Variants in RPS6KA5 observed in about 807,000 individuals in gnomAD.
RPS6KA5 encodes ribosomal protein S6 kinase A5.
RPS6KA5 carries 27 observed loss-of-function variants against 85.5 expected under a neutral mutation model. The observed-to-expected ratio is 0.32, with a 90% CI of 0.23 to 0.44. The LOEUF (loss-of-function observed/expected upper bound fraction) is 0.44. Ranked by LOEUF, RPS6KA5 falls within the 20% of genes least tolerant of loss-of-function variation. The probability of loss-of-function intolerance (pLI) is 1.00; values close to 1 mark genes in which losing one functional copy is unlikely to be tolerated. For missense variants in RPS6KA5, 811 were observed against 980.9 expected (o/e 0.83, Z 2.31); for synonymous variants, 334 against 348.2 (o/e 0.96, Z 0.46).
At chr14:91,044,339 C>CAAAGAAAG (rs377595815) in intron 1 of RPS6KA5, among the ~76,000 whole-genome samples, 26 of 76,850 alleles carry the variant, frequency 3.4e-4, no homozygotes, top group Non-Finnish European at 5.9e-4. Flanking sequence ...GAAAGATAGA[C>CAAAGAAAG]AAAGAAAGAA....
chr14:91,020,012 G>A (rs553407556), intron 1 of RPS6KA5, among the ~76,000 whole-genome samples: 3 of 152,302 alleles, frequency 2.0e-5, no homozygotes, highest in Admixed American at 1.3e-4. Context: ...GCATATGACT[G>A]TAAGGAATAC....
chr14:91,025,658 C>CT (rs993222175), intron 1 of RPS6KA5, among the ~76,000 whole-genome samples: 6 of 150,618 alleles, frequency 4.0e-5, no homozygotes, highest in Non-Finnish European at 7.4e-5. Context: ...TTCTGAAGTT[C>CT]TAAAAAAAAA....
At chr14:90,969,153 C>T (rs2140447160) in intron 3 of RPS6KA5, among the ~76,000 whole-genome samples, 1 of 152,170 alleles carries the variant, frequency 6.6e-6, no homozygotes, top group East Asian at 1.9e-4. Context: ...TTTCTTAAAA[C>T]AGTAAATTAA....
In RPS6KA5 at chr14:90,851,469, G is replaced by A. The variant is rs8011328; in HGVS notation, c.*20605C>T. 0.1 allele frequency: 15,267 copies of A among 152,168 alleles called. 1,832 individuals are homozygous for A. The highest frequency in any genetic ancestry group is 0.29 in the African/African-American group (12,174 of 41,468). The allele number at this position is 152,168 out of a possible 1,614,324, so 9.4% of individuals were successfully genotyped here. ...TCCTCTTTAATCGATCCCTCAGTATGCTGGTGAGACAGGGAGGCACAGGTT... is the reference window on the plus strand; with the variant it reads ...TCCTCTTTAATCGATCCCTCAGTATACTGGTGAGACAGGGAGGCACAGGTT... On this transcript the variant is annotated 3_prime_UTR_variant, in exon 17 of 17. Coordinates refer to ENST00000614987, the MANE Select transcript of RPS6KA5 (RefSeq NM_004755.4).
At chr14:90,873,457 T>C (rs548541391) in intron 16 of RPS6KA5, among the ~76,000 whole-genome samples, 175 bp downstream of exon 16, 3 of 152,240 alleles carry the variant, frequency 2.0e-5, no homozygotes, top group Non-Finnish European at 2.9e-5. Context: ...TGTGCACTTA[T>C]TGTTATAAAG....
intron 12 of RPS6KA5, among the ~76,000 whole-genome samples, chr14:90,895,211 T>C (rs965888966): frequency 2.0e-5 from 3 of 151,758 alleles, no homozygotes; most frequent in Non-Finnish European, 4.4e-5. Flanking sequence ...TTAATCTTTT[T>C]AAAAGGGTAA....
chr14:90,939,219 C>A (rs1343108297), intron 5 of RPS6KA5, among the ~76,000 whole-genome samples: 1 of 152,248 alleles, frequency 6.6e-6, no homozygotes, highest in Non-Finnish European at 1.5e-5. Flanking sequence ...CTTTGTTCTA[C>A]TTCCCACCAA....
chr14:90,999,045 C>T (rs543447445), intron 2 of RPS6KA5, among the ~76,000 whole-genome samples: 6 of 152,110 alleles, frequency 3.9e-5, no homozygotes, highest in Admixed American at 2.0e-4. Context: ...CTAGTCAAAA[C>T]GGTGAAACCC....
rs1051821153 is a variant in RPS6KA5 at position 90,869,236 on chromosome 14, A to G, written c.*2838T>C. ...GAGACAGTGTCTCACTATGTTGCCC[A>G]GGTTGGTCTCTAACTCCTGGTTTCA... is the stretch of plus-strand genomic sequence containing the variant. On this transcript the variant is annotated 3_prime_UTR_variant, in exon 17 of 17. Transcript: ENST00000614987. 1.5e-4 allele frequency: 23 copies of G among 152,176 alleles called. No individual in the cohort carries two copies. Among genetic ancestry groups the G allele is most frequent in the African/African-American group, 5.1e-4 (21 of 41,426 alleles). The allele number at this position is 152,176 out of a possible 1,614,324, so 9.4% of individuals were successfully genotyped here.
chr14:91,024,566 A>G (rs1320925586), intron 1 of RPS6KA5, among the ~76,000 whole-genome samples: 1 of 152,202 alleles, frequency 6.6e-6, no homozygotes, highest in East Asian at 1.9e-4. Flanking sequence ...TGATAGAGAA[A>G]AACTAGTAAT....
In RPS6KA5 at chr14:90,943,016, G is replaced by A. The variant is rs74970450; in HGVS notation, c.618+62C>T. The A allele has an allele frequency of 8.4e-3, 7,921 of 946,612 alleles. 423 individuals are homozygous for A. The African/African-American group carries it at 0.12, about 14-fold the overall frequency. 58.6% of individuals were successfully genotyped at this position (946,612 alleles called of 1,614,324 possible). A position where few individuals can be genotyped will look rare whatever the true frequency, so the allele number is the denominator to read the frequency against. ...GTTTTCTGCTAAATGTTTATTCTAC[G>A]GCTAAGTTTTCATCCTTGTTTACAT... On this transcript the variant is annotated intron_variant, in intron 5 of 16. Coordinates refer to ENST00000614987, the MANE Select transcript of RPS6KA5 (RefSeq NM_004755.4).
intron 5 of RPS6KA5, among the ~76,000 whole-genome samples, chr14:90,924,672 C>T (rs2036569753): frequency 6.6e-6 from 1 of 152,106 alleles, no homozygotes. Context: ...TGAACAAAAA[C>T]AGCAGGAGTG....
At chr14:91,052,005 C>T (rs546186995) in intron 1 of RPS6KA5, among the ~76,000 whole-genome samples, 1 of 152,142 alleles carries the variant, frequency 6.6e-6, no homozygotes, top group African/African-American at 2.4e-5. Context: ...AGCTTTAATG[C>T]TCGTAAATAC....
intron 3 of RPS6KA5, among the ~76,000 whole-genome samples, chr14:90,973,910 T>C (rs1240090330): frequency 6.6e-6 from 1 of 151,368 alleles, no homozygotes; most frequent in Non-Finnish European, 1.5e-5. Context: ...TGGTGGCAGG[T>C]GCCTATAATC....
intron 1 of RPS6KA5, among the ~76,000 whole-genome samples, chr14:91,032,952 T>A (rs1348121484): frequency 1.3e-5 from 2 of 151,876 alleles, no homozygotes; most frequent in African/African-American, 2.4e-5. Context: ...GGTGGGCAGA[T>A]CGAGGTCAGG....
Position 90,860,822 on chromosome 14 carries a change from A to G in RPS6KA5, c.*11252T>C, listed in dbSNP as rs1193169898. On this transcript the variant is annotated 3_prime_UTR_variant, in exon 17 of 17. Coordinates refer to ENST00000614987, the MANE Select transcript of RPS6KA5 (RefSeq NM_004755.4). ...AAAAGTAATCCCAGATGGAAGTAAA[A>G]AAGGCAGGATGGAAAGAAAAACACC... 6.6e-6 allele frequency: 1 copy of G among 152,156 alleles called. No homozygotes were observed. The highest frequency in any genetic ancestry group is 1.5e-5 in the Non-Finnish European group (1 of 68,032). 9.4% of individuals were successfully genotyped at this position (152,156 alleles called of 1,614,324 possible).
rs2033069102 is a variant in RPS6KA5 at position 90,870,924 on chromosome 14, T to C, written c.*1150A>G. 1 of 152,256 alleles carries C rather than the reference T, an allele frequency of 6.6e-6. No homozygotes were observed. Among genetic ancestry groups the C allele is most frequent in the African/African-American group, 2.4e-5 (1 of 41,274 alleles). The allele number at this position is 152,256 out of a possible 1,614,324, so 9.4% of individuals were successfully genotyped here. On this transcript the variant is annotated 3_prime_UTR_variant, in exon 17 of 17. Coordinates refer to ENST00000614987, the MANE Select transcript of RPS6KA5 (RefSeq NM_004755.4). ...TTGTTTTCTGTATGAATTCAGAACTTTTGAGCAATAAAAGTGCTCTGCATA... is the reference window on the plus strand; with the variant it reads ...TTGTTTTCTGTATGAATTCAGAACTCTTGAGCAATAAAAGTGCTCTGCATA...
chr14:90,991,554 T>A (rs1297354585), intron 2 of RPS6KA5, among the ~76,000 whole-genome samples: 1 of 151,738 alleles, frequency 6.6e-6, no homozygotes, highest in African/African-American at 2.4e-5. Flanking sequence ...ATACAAAAAT[T>A]ATCCGGGCAT....
In RPS6KA5 at chr14:90,863,302, C is replaced by CAAAAAAAAAAAAAAAAAAAAAAAAAA. The variant is rs61230626; in HGVS notation, c.*8746_*8771dup. ...TGGGTGGCAGAGCGAGACTCCGTCT[C>CAAAAAAAAAAAAAAAAAAAAAAAAAA]AAAAAAAAAAAAAAAAAAAAAAAAA... On this transcript the variant is annotated 3_prime_UTR_variant, in exon 17 of 17. Coordinates refer to ENST00000614987, the MANE Select transcript of RPS6KA5 (RefSeq NM_004755.4). 1 of 24,794 alleles carries CAAAAAAAAAAAAAAAAAAAAAAAAAA rather than the reference C, an allele frequency of 4.0e-5. No homozygotes were observed. Among genetic ancestry groups the CAAAAAAAAAAAAAAAAAAAAAAAAAA allele is most frequent in the Non-Finnish European group, 8.7e-5 (1 of 11,454 alleles). 1.5% of individuals were successfully genotyped at this position (24,794 alleles called of 1,614,324 possible).
Sources: allele counts gnomAD v4.1 joint callset (sites outside exome capture counted in the v4.1 genomes callset), GRCh38; gene constraint gnomAD v4.1.1; transcripts MANE v1.5; gene names NCBI Gene and HGNC (gene_info 2026-07-23, HGNC 2026-07-21).